LARS2: variants seen among roughly 807,000 people sequenced by gnomAD.
LARS2 encodes the protein leucyl-tRNA synthetase 2, mitochondrial.
LARS2 carries 81 observed loss-of-function variants against 116.6 expected under a neutral mutation model. The ratio of observed to expected loss-of-function variants is 0.69; its 90% CI spans 0.58 to 0.84. The LOEUF (loss-of-function observed/expected upper bound fraction) is 0.84, where lower values mean the gene tolerates loss of function less well. Ranked by LOEUF, LARS2 falls within the 40% of genes least tolerant of loss-of-function variation. The pLI, the probability that LARS2 is intolerant of heterozygous loss-of-function variation, is 0.00. For synonymous variants in LARS2, 396 were observed against 407.2 expected (o/e 0.97, Z 0.33); for missense variants, 968 against 1,114.5 (o/e 0.87, Z 1.87).
intron 10 of LARS2, among the ~76,000 whole-genome samples, chr3:45,477,051 C>T (rs1407222654): frequency 9.2e-5 from 14 of 152,152 alleles, no homozygotes; most frequent in African/African-American, 3.4e-4. Flanking sequence ...CAAACTTTTC[C>T]AACTCAATTT....
intron 19 of LARS2, 148 bp from the exon 20 acceptor site, chr3:45,523,849 G>T: frequency 1.7e-6 from 1 of 597,312 alleles, no homozygotes; most frequent in South Asian, 2.0e-5. Context: ...TTAAGTAGGG[G>T]AAGTTCATTG....
intron 6 of LARS2, among the ~76,000 whole-genome samples, chr3:45,433,286 A>G (rs950367001): frequency 1.3e-5 from 2 of 151,998 alleles, no homozygotes; most frequent in Non-Finnish European, 2.9e-5. Flanking sequence ...TAAGTCTAGC[A>G]TTTATTTGTT....
chr3:45,526,601 A>G (rs1369099438), intron 20 of LARS2, among the ~76,000 whole-genome samples: 1 of 152,144 alleles, frequency 6.6e-6, no homozygotes, highest in Non-Finnish European at 1.5e-5. Context: ...CAGGAACACA[A>G]GAACAAGACT....
intron 18 of LARS2, 87 bp from the exon 19 acceptor site, chr3:45,520,132 C>T: frequency 1.1e-6 from 1 of 874,672 alleles, no homozygotes; most frequent in Non-Finnish European, 1.9e-6. Flanking sequence ...ATTCATTTTC[C>T]TTTTTTTTTG....
Position 45,409,583 on chromosome 3 carries a change from G to C in LARS2, c.364-7899G>C, listed in dbSNP as rs910643182. ...ACAAGCTTTGGTATTTTGTAATCCT[G>C]TTGTAGGTCTTCACTTTGTTTCCCC... On this transcript the variant is annotated intron_variant, in intron 4 of 21. Coordinates refer to ENST00000645846, the MANE Select transcript of LARS2 (RefSeq NM_015340.4). Among the ~76,000 whole-genome samples the C allele has an allele frequency of 3.9e-5, 6 of 152,302 alleles. No individual in the cohort carries two copies. In the South Asian group the frequency reaches 1.2e-3, roughly 32 times the overall value.
At chr3:45,440,686 G>A (rs1463123454) in intron 6 of LARS2, among the ~76,000 whole-genome samples, 4 of 151,928 alleles carry the variant, frequency 2.6e-5, no homozygotes, top group Non-Finnish European at 1.5e-5. Context: ...TGAAATCTAG[G>A]GCCATCACTG....
chr3:45,541,620 G>A (rs1025170976), intron 20 of LARS2: 79 of 565,858 alleles, frequency 1.4e-4, no homozygotes, highest in South Asian at 1.4e-4. Context: ...ACAGCTCTGC[G>A]TGCCATTTGT....
intron 14 of LARS2, among the ~76,000 whole-genome samples, chr3:45,497,821 C>T (rs1055634741): frequency 1.3e-5 from 2 of 151,940 alleles, no homozygotes; most frequent in Non-Finnish European, 2.9e-5. Flanking sequence ...ACAGGAGAAT[C>T]GCTTGAACCC....
chr3:45,527,495 G>A (rs1700548931), intron 20 of LARS2, among the ~76,000 whole-genome samples: 1 of 152,076 alleles, frequency 6.6e-6, no homozygotes, highest in African/African-American at 2.4e-5. Flanking sequence ...ATGGTGGCGG[G>A]CACCTGTAGT....
At chr3:45,518,498 A>T (rs1432281649) in intron 18 of LARS2, among the ~76,000 whole-genome samples, 1 of 152,214 alleles carries the variant, frequency 6.6e-6, no homozygotes, top group Non-Finnish European at 1.5e-5. Context: ...TATCCTCTGT[A>T]GCCTCCTCAT....
At chr3:45,405,400 T>G (rs1698218640) in intron 4 of LARS2, among the ~76,000 whole-genome samples, 1 of 152,210 alleles carries the variant, frequency 6.6e-6, no homozygotes, top group South Asian at 2.1e-4. Context: ...AAGCCTCAAC[T>G]GTTTGTGAGT....
chr3:45,495,895 A>T (rs1398021001), intron 13 of LARS2, among the ~76,000 whole-genome samples: 1 of 150,644 alleles, frequency 6.6e-6, no homozygotes, highest in African/African-American at 2.4e-5. Context: ...GAGTCTTGCT[A>T]TGTCACCAGG....
At position 45,496,297 on chromosome 3, in the gene LARS2, G is replaced by C; in HGVS notation, c.1546G>C (p.Glu516Gln). ...TAGGTGCAAGGGAGCAGCCAAGAGA[G>C]AGACAGACACGATGGATACCTTTGT... ...CPRCKGAAKR[E>Q]TDTMDTFVDS... The change falls in exon 14 of 22, where the codon GAG becomes CAG. Residue 516 changes from glutamate (E) to glutamine (Q), a missense_variant. Coordinates refer to ENST00000645846, the MANE Select transcript of LARS2 (RefSeq NM_015340.4). 1 of 1,613,986 alleles carries C rather than the reference G, an allele frequency of 6.2e-7. No individual in the cohort carries two copies. The highest frequency in any genetic ancestry group is 8.5e-7 in the Non-Finnish European group (1 of 1,179,830).
intron 7 of LARS2, among the ~76,000 whole-genome samples, chr3:45,452,275 G>A (rs1699142910): frequency 6.6e-6 from 1 of 152,054 alleles, no homozygotes; most frequent in African/African-American, 2.4e-5. Flanking sequence ...AGATCTTAGT[G>A]GAAAGGCTTT....
intron 20 of LARS2, among the ~76,000 whole-genome samples, chr3:45,528,520 C>T (rs930721809): frequency 3.3e-5 from 5 of 152,156 alleles, no homozygotes; most frequent in African/African-American, 1.2e-4. Context: ...GTGCACCCAT[C>T]ACCATGATCA....
intron 20 of LARS2, among the ~76,000 whole-genome samples, chr3:45,537,040 G>A (rs1284473804): frequency 6.6e-6 from 1 of 151,672 alleles, no homozygotes; most frequent in Non-Finnish European, 1.5e-5. Context: ...GTGTGTGTGT[G>A]TGTGTGTGTG....
intron 4 of LARS2, among the ~76,000 whole-genome samples, chr3:45,401,662 C>G (rs1040901245): frequency 2.6e-5 from 4 of 152,166 alleles, no homozygotes; most frequent in Admixed American, 6.5e-5. Context: ...TTTTGTCACC[C>G]CGGCTGGAGT....
intron 20 of LARS2, among the ~76,000 whole-genome samples, chr3:45,539,116 T>C (rs1471270450): frequency 6.6e-6 from 1 of 152,160 alleles, no homozygotes. Context: ...TTTGGAAAGT[T>C]GACCATGTTA....
intron 8 of LARS2, among the ~76,000 whole-genome samples, chr3:45,468,043 G>A (rs772672288): frequency 1.9e-4 from 29 of 151,904 alleles, no homozygotes; most frequent in Non-Finnish European, 3.7e-4. Flanking sequence ...AGGCTGCAGT[G>A]AGCCGAGATC....
Sources: gnomAD v4.1 joint callset for allele counts (sites outside exome capture counted in the v4.1 genomes callset) on GRCh38, gnomAD v4.1.1 for gene constraint, MANE v1.5 for transcripts, NCBI Gene and HGNC (gene_info 2026-07-23, HGNC 2026-07-21) for gene names.